The following TLE4 variants were observed in gnomAD, a reference collection of about 807,000 sequenced individuals.
The protein encoded by TLE4 is transducin-like enhancer protein 4.
TLE4 carries 8 observed loss-of-function variants against 92.8 expected under a neutral mutation model. The observed-to-expected ratio is 0.09, with a 90% CI of 0.05 to 0.16. TLE4 has a LOEUF of 0.16. Ranked by LOEUF, TLE4 falls within the 10% of genes least tolerant of loss-of-function variation. TLE4 has a pLI of 1.00. For missense variants in TLE4, 675 were observed against 997.6 expected, an observed-to-expected ratio of 0.68 and a Z score of 4.36; for synonymous variants, 371 against 374.1, an observed-to-expected ratio of 0.99 and a Z score of 0.10.
intron 8 of TLE4, among the ~76,000 whole-genome samples, chr9:79,679,671 T>C (rs1203875370): frequency 6.6e-6 from 1 of 152,246 alleles, no homozygotes; most frequent in African/African-American, 2.4e-5. Context: ...TTTTGGTGTT[T>C]TAGACATGAA....
chr9:79,619,127 A>G (rs2043801770), intron 5 of TLE4, among the ~76,000 whole-genome samples: 1 of 152,214 alleles, frequency 6.6e-6, no homozygotes, highest in Admixed American at 6.5e-5. Flanking sequence ...GTAGAAAATA[A>G]TAGTCAATTA....
chr9:79,619,207 C>T (rs2050363254), intron 5 of TLE4, among the ~76,000 whole-genome samples: 1 of 152,230 alleles, frequency 6.6e-6, no homozygotes, highest in Middle Eastern at 3.4e-3. Context: ...TCACATCAAA[C>T]GATACATAAA....
chr9:79,619,547 T>C (rs1386381595), intron 5 of TLE4, among the ~76,000 whole-genome samples: 2 of 152,174 alleles, frequency 1.3e-5, no homozygotes, highest in Non-Finnish European at 2.9e-5. Flanking sequence ...GAGGAATCAA[T>C]GGCTTGTGAT....
chr9:79,595,555 T>A (rs544132754), intron 4 of TLE4, among the ~76,000 whole-genome samples: 1 of 152,306 alleles, frequency 6.6e-6, no homozygotes, highest in East Asian at 1.9e-4. Context: ...ATCAGGTTAT[T>A]TTATAATTTA....
chr9:79,622,915 C>G (rs2051401473), intron 5 of TLE4, among the ~76,000 whole-genome samples: 1 of 152,160 alleles, frequency 6.6e-6, no homozygotes, highest in Non-Finnish European at 1.5e-5. Flanking sequence ...TTCACCTCTC[C>G]ACATGTTGGA....
intron 14 of TLE4, 67 bp from the exon 15 acceptor site, chr9:79,718,655 T>G: frequency 6.5e-7 from 1 of 1,528,002 alleles, no homozygotes; most frequent in Non-Finnish European, 8.8e-7. Flanking sequence ...CTCATCTCAT[T>G]ACACTGAACA....
At position 79,652,580 on chromosome 9, in the gene TLE4, T is replaced by TG; in HGVS notation, c.391-13_391-12insG. 3 of 1,613,948 alleles carry TG rather than the reference T, an allele frequency of 1.9e-6. No homozygotes were observed. The South Asian group carries it at 3.3e-5, about 18-fold the overall frequency. On this transcript the variant is annotated splice_polypyrimidine_tract_variant and intron_variant, in intron 6 of 19. Transcript: ENST00000376552. ...GGGCAAATTCAATATCTGTGTTTAA[T>TG]TTTTCACAGCAGCAACAACTCCAGG... is the stretch of plus-strand genomic sequence containing the variant.
intron 5 of TLE4, among the ~76,000 whole-genome samples, chr9:79,612,982 C>A (rs577107061): frequency 6.6e-6 from 1 of 152,016 alleles, no homozygotes; most frequent in Non-Finnish European, 1.5e-5. Context: ...CTATCTTTGT[C>A]GTGTTGCTCA....
At chr9:79,724,999 C>T (rs1364225501) in intron 19 of TLE4, 38 bp from the exon 20 acceptor site, 8 of 1,504,284 alleles carry the variant, frequency 5.3e-6, no homozygotes, top group Non-Finnish European at 5.5e-6. Context: ...GATTTTCTTT[C>T]AGTATTTAAC....
At chr9:79,581,916 G>A (rs961835392) in intron 4 of TLE4, among the ~76,000 whole-genome samples, 1 of 152,180 alleles carries the variant, frequency 6.6e-6, no homozygotes, top group African/African-American at 2.4e-5. Flanking sequence ...CAGTGGGTGA[G>A]AGGGTGAGGT....
At chr9:79,578,298 C>G (rs2038572604) in intron 4 of TLE4, among the ~76,000 whole-genome samples, 1 of 152,136 alleles carries the variant, frequency 6.6e-6, no homozygotes, top group Non-Finnish European at 1.5e-5. Context: ...AGATTTGTGT[C>G]TCGAAGGGTT....
intron 4 of TLE4, among the ~76,000 whole-genome samples, chr9:79,598,056 C>T (rs1226218548): frequency 6.9e-6 from 1 of 145,582 alleles, no homozygotes; most frequent in Non-Finnish European, 1.5e-5. Flanking sequence ...CACGGTGAAA[C>T]CCTGTCTCTA....
intron 14 of TLE4, among the ~76,000 whole-genome samples, chr9:79,711,739 C>G (rs2073342055): frequency 6.6e-6 from 1 of 152,164 alleles, no homozygotes. Context: ...GGGCTGACTT[C>G]CCTTCATCAG....
chr9:79,660,919 G>A (rs1426679921), intron 8 of TLE4, among the ~76,000 whole-genome samples: 2 of 152,082 alleles, frequency 1.3e-5, no homozygotes, highest in Admixed American at 6.6e-5. Flanking sequence ...TAACAGGGGC[G>A]GCCTGGTTGG....
At chr9:79,665,816 T>G (rs2061301199) in intron 8 of TLE4, among the ~76,000 whole-genome samples, 1 of 152,238 alleles carries the variant, frequency 6.6e-6, no homozygotes, top group African/African-American at 2.4e-5. Context: ...TTTTATTTGT[T>G]TTTTTGCTGC....
At chr9:79,589,829 G>A (rs1316186573) in intron 4 of TLE4, among the ~76,000 whole-genome samples, 1 of 152,090 alleles carries the variant, frequency 6.6e-6, no homozygotes, top group Non-Finnish European at 1.5e-5. Flanking sequence ...CCCAACTGAG[G>A]CATTAGGGCA....
chr9:79,704,568 C>T (rs2070962051), intron 8 of TLE4: 3 of 558,402 alleles, frequency 5.4e-6, no homozygotes, highest in Non-Finnish European at 6.1e-6. Flanking sequence ...TCTTTCTTTC[C>T]CATTATCTTT....
intron 4 of TLE4, among the ~76,000 whole-genome samples, chr9:79,577,990 G>A (rs1373065540): frequency 1.3e-5 from 2 of 151,102 alleles, no homozygotes; most frequent in Non-Finnish European, 2.9e-5. Context: ...CCTTTTTTTC[G>A]TTTCCTTTTA....
At chr9:79,656,653 C>G (rs759903451) in intron 8 of TLE4, among the ~76,000 whole-genome samples, 2 of 152,014 alleles carry the variant, frequency 1.3e-5, no homozygotes, top group Non-Finnish European at 2.9e-5. Context: ...CTTATACAGC[C>G]CCAGTGGAAC....
Sources: allele counts gnomAD v4.1 joint callset (sites outside exome capture counted in the v4.1 genomes callset), GRCh38; gene constraint gnomAD v4.1.1; transcripts MANE v1.5; gene names NCBI Gene and HGNC (gene_info 2026-07-23, HGNC 2026-07-21).